The following CLASP2 variants were observed in gnomAD, a reference collection of about 807,000 sequenced individuals.
CLASP2 encodes the protein CLIP-associating protein 2.
A neutral mutation model predicts 194.4 loss-of-function variants in CLASP2; 47 were observed. The ratio of observed to expected loss-of-function variants is 0.24; its 90% CI spans 0.19 to 0.31. The LOEUF (loss-of-function observed/expected upper bound fraction) is 0.31, where lower values mean the gene tolerates loss of function less well. Ranked by LOEUF, CLASP2 falls within the 10% of genes least tolerant of loss-of-function variation. The probability of loss-of-function intolerance (pLI) is 1.00; values close to 1 mark genes in which losing one functional copy is unlikely to be tolerated. For missense variants in CLASP2, 1,445 were observed against 1,823.6 expected (o/e 0.79, Z 3.78); for synonymous variants, 619 against 633.5 (o/e 0.98, Z 0.34).
At chr3:33,675,459 G>A (rs2088369966) in intron 6 of CLASP2, among the ~76,000 whole-genome samples, 2 of 150,124 alleles carry the variant, frequency 1.3e-5, no homozygotes, top group Admixed American at 1.3e-4. Flanking sequence ...AGCTATCTAT[G>A]ACAAACCCAC....
chr3:33,676,970 T>A (rs1471424114), intron 6 of CLASP2, among the ~76,000 whole-genome samples: 1 of 152,158 alleles, frequency 6.6e-6, no homozygotes, highest in Non-Finnish European at 1.5e-5. Context: ...CCATCACTGG[T>A]CATCAGAGAA....
chr3:33,609,586 C>T (rs1455288808), intron 13 of CLASP2, among the ~76,000 whole-genome samples: 1 of 152,150 alleles, frequency 6.6e-6, no homozygotes, highest in African/African-American at 2.4e-5. Flanking sequence ...AACACTTTTT[C>T]CTCCACTTTC....
At chr3:33,646,254 C>G (rs1268741768) in intron 7 of CLASP2, among the ~76,000 whole-genome samples, 1 of 150,926 alleles carries the variant, frequency 6.6e-6, no homozygotes, top group Non-Finnish European at 1.5e-5. Flanking sequence ...TTAAAATATG[C>G]CAAGAAAGTT....
intron 10 of CLASP2, among the ~76,000 whole-genome samples, chr3:33,623,584 T>A (rs533358244): frequency 6.6e-6 from 1 of 152,134 alleles, no homozygotes; most frequent in African/African-American, 2.4e-5. Context: ...GTTCCATCCA[T>A]GTTGTTGCAA....
chr3:33,543,545 GA>G lies in CLASP2; in HGVS notation c.3298-7del. ...AAAGGACTCCCCATGGAACTCTGAT[GA>G]AGGGAGTCAAAGAAATATTAACATA... On this transcript the variant is annotated splice_region_variant and splice_polypyrimidine_tract_variant and intron_variant, in intron 31 of 38. Coordinates refer to ENST00000682230, the MANE Select transcript of CLASP2 (RefSeq NM_001365631.1). 6.4e-7 allele frequency: 1 copy of G among 1,554,510 alleles called. No individual in the cohort carries two copies. Among genetic ancestry groups the G allele is most frequent in the Non-Finnish European group, 8.9e-7 (1 of 1,125,958 alleles).
At chr3:33,655,290 C>T (rs573427328) in intron 7 of CLASP2, among the ~76,000 whole-genome samples, 2 of 152,258 alleles carry the variant, frequency 1.3e-5, no homozygotes, top group African/African-American at 4.8e-5. Flanking sequence ...CAACCCCCTG[C>T]ACCCGTTAAA....
intron 30 of CLASP2, among the ~76,000 whole-genome samples, chr3:33,550,932 A>C (rs918404556): frequency 1.3e-5 from 2 of 152,244 alleles, no homozygotes; most frequent in Non-Finnish European, 1.5e-5. Context: ...CAAGTCTAAA[A>C]ATTGATAAAT....
intron 27 of CLASP2, among the ~76,000 whole-genome samples, chr3:33,563,538 G>C (rs911561564): frequency 6.6e-6 from 1 of 152,124 alleles, no homozygotes; most frequent in African/African-American, 2.4e-5. Flanking sequence ...AACCATTTTT[G>C]TAACAGGCCA....
At position 33,620,313 on chromosome 3, in the gene CLASP2, T is replaced by C. The variant is rs578044585; in HGVS notation, c.1182-575A>G. Among the ~76,000 whole-genome samples, 3 of 152,338 alleles carry C rather than the reference T, an allele frequency of 2.0e-5. No individual in the cohort carries two copies. In the South Asian group the frequency reaches 6.2e-4, roughly 32 times the overall value. The stretch of plus-strand genomic sequence containing the variant: ...CTTATTGGGTGATCTTTAGGACATC[T>C]GACTTCTCTTTCCAATTGTGTACTT... On this transcript the variant is annotated intron_variant, in intron 11 of 38. Coordinates refer to ENST00000682230, the MANE Select transcript of CLASP2 (RefSeq NM_001365631.1).
At chr3:33,619,507 GA>G in intron 12 of CLASP2, 95 bp downstream of exon 12, 1 of 1,056,098 alleles carries the variant, frequency 9.5e-7, no homozygotes, top group African/African-American at 1.7e-5. Flanking sequence ...CATTGAGAGA[GA>G]GGGGTGGGGT....
intron 12 of CLASP2, among the ~76,000 whole-genome samples, chr3:33,613,492 G>GA (rs2075572674): frequency 6.6e-6 from 1 of 152,220 alleles, no homozygotes; most frequent in African/African-American, 2.4e-5. Context: ...TAGCATTGGG[G>GA]AAACAAGTCT....
Position 33,602,851 on chromosome 3 carries a change from T to C in CLASP2, c.1924+101A>G, listed in dbSNP as rs752136396. On this transcript the variant is annotated intron_variant, in intron 18 of 38. Coordinates refer to ENST00000682230, the MANE Select transcript of CLASP2 (RefSeq NM_001365631.1). ...TATATTAAAACATATGGACTATCCTTAAATAACAAGAATGAATAGAAATGA... is the reference window on the plus strand; with the variant it reads ...TATATTAAAACATATGGACTATCCTCAAATAACAAGAATGAATAGAAATGA... 3.1e-4 allele frequency: 377 copies of C among 1,211,660 alleles called. 1 individual carries two copies. Among genetic ancestry groups the C allele is most frequent in the Non-Finnish European group, 3.3e-4 (279 of 838,202 alleles). 75.1% of individuals were successfully genotyped at this position (1,211,660 alleles called of 1,614,324 possible).
intron 27 of CLASP2, among the ~76,000 whole-genome samples, chr3:33,562,273 T>C (rs1484875306): frequency 1.3e-5 from 2 of 152,188 alleles, no homozygotes; most frequent in African/African-American, 4.8e-5. Flanking sequence ...ATTCCACCAC[T>C]ACCCCCATAA....
chr3:33,507,598 C>T (rs995671099), intron 37 of CLASP2, among the ~76,000 whole-genome samples: 5 of 152,110 alleles, frequency 3.3e-5, no homozygotes, highest in African/African-American at 1.2e-4. Flanking sequence ...CCTCCCACTT[C>T]AGCCCCCCAA....
At chr3:33,535,798 A>C (rs908277015) in intron 33 of CLASP2, among the ~76,000 whole-genome samples, 6 of 152,154 alleles carry the variant, frequency 3.9e-5, no homozygotes, top group Non-Finnish European at 7.3e-5. Flanking sequence ...AAGATACAAA[A>C]GAACTTTCAT....
At chr3:33,575,275 C>T (rs764337674) in intron 24 of CLASP2, among the ~76,000 whole-genome samples, 1 of 152,090 alleles carries the variant, frequency 6.6e-6, no homozygotes, top group African/African-American at 2.4e-5. Context: ...CAGAACTACA[C>T]GTGTGATATT....
chr3:33,602,377 C>T lies in CLASP2; in HGVS notation c.1924+575G>A, dbSNP rs1202831282. The T allele has an allele frequency of 1.3e-5, 8 of 611,600 alleles. No individual in the cohort carries two copies. In the Admixed American group the frequency reaches 1.4e-4, roughly 10 times the overall value. 37.9% of individuals were successfully genotyped at this position (611,600 alleles called of 1,614,324 possible). Reference sequence around the variant, plus strand: ...ATGCTCAACCTGTATTGTGTTCTGGCGATCTGCCTGCTTAGTGTTCCAGCA... The same window carrying T: ...ATGCTCAACCTGTATTGTGTTCTGGTGATCTGCCTGCTTAGTGTTCCAGCA... On this transcript the variant is annotated intron_variant, in intron 18 of 38. Transcript: ENST00000682230.
At chr3:33,592,290 G>T in intron 21 of CLASP2, 105 bp downstream of exon 21, 1 of 836,698 alleles carries the variant, frequency 1.2e-6, no homozygotes, top group South Asian at 1.4e-5. Context: ...TTTTAAATTA[G>T]CTTTGTCTTT....
In CLASP2 at chr3:33,551,524, G is replaced by A. The variant is rs2060004288; in HGVS notation, c.3010-129C>T. The A allele has an allele frequency of 4.4e-6, 4 of 904,574 alleles. No individual in the cohort carries two copies. The South Asian group carries it at 8.2e-5, about 19-fold the overall frequency. 56.0% of individuals were successfully genotyped at this position (904,574 alleles called of 1,614,324 possible). ...TATACAGATAGGGTCTTACTATGTT[G>A]GCAAGGTTGGTCTTGCGCTCCTGGC... is the stretch of plus-strand genomic sequence containing the variant. On this transcript the variant is annotated intron_variant, in intron 29 of 38. Transcript: ENST00000682230.
Sources: gnomAD v4.1 joint callset for allele counts (sites outside exome capture counted in the v4.1 genomes callset) on GRCh38, gnomAD v4.1.1 for gene constraint, MANE v1.5 for transcripts, NCBI Gene and HGNC (gene_info 2026-07-23, HGNC 2026-07-21) for gene names.